Variants in CTNNA3 observed in about 807,000 individuals in gnomAD.
The protein encoded by CTNNA3 is catenin alpha 3, also known as catenin alpha-3.
Under a neutral mutation model 95.7 loss-of-function variants are expected in CTNNA3, and 76 were observed. That is an observed-to-expected ratio of 0.79 (90% CI 0.66 to 0.96). The LOEUF (loss-of-function observed/expected upper bound fraction) is 0.96, where lower values mean the gene tolerates loss of function less well. CTNNA3 is among the 40% of genes least tolerant of loss of function. The pLI, the probability that CTNNA3 is intolerant of heterozygous loss-of-function variation, is 0.00. For missense variants in CTNNA3, 1,191 were observed against 1,089.8 expected (o/e 1.09, Z -1.31); for synonymous variants, 431 against 374.4 (o/e 1.15, Z -1.74).
At chr10:66,915,339 G>A (rs1846434894) in intron 7 of CTNNA3, among the ~76,000 whole-genome samples, 1 of 151,982 alleles carries the variant, frequency 6.6e-6, no homozygotes, top group South Asian at 2.1e-4. Flanking sequence ...CAGTGACAGT[G>A]GTATGGGAAG....
At chr10:66,776,438 C>A (rs1840303611) in intron 7 of CTNNA3, among the ~76,000 whole-genome samples, 1 of 152,056 alleles carries the variant, frequency 6.6e-6, no homozygotes, top group Admixed American at 6.6e-5. Flanking sequence ...GACACTGAGG[C>A]CAAGTATAAA....
At chr10:66,023,072 C>A (rs1007024589) in intron 15 of CTNNA3, among the ~76,000 whole-genome samples, 10 of 134,068 alleles carry the variant, frequency 7.5e-5, no homozygotes, top group Admixed American at 4.8e-4. Context: ...TCGAACACCT[C>A]ACGGACCAAG....
chr10:66,626,421 G>C lies in CTNNA3; in HGVS notation c.1282-4637C>G, dbSNP rs576334812. On this transcript the variant is annotated intron_variant, in intron 9 of 17. Coordinates refer to ENST00000433211, the MANE Select transcript of CTNNA3 (RefSeq NM_013266.4). ...ACCACGTCTCCTAGCTCTCAATGGG[G>C]GAGAAAGGTCACTGTCTCATTTTCA... Among the ~76,000 whole-genome samples, 3 of 152,162 alleles carry C rather than the reference G, an allele frequency of 2.0e-5. No individual in the cohort carries two copies. In the South Asian group the frequency reaches 6.2e-4, roughly 32 times the overall value.
At chr10:67,422,061 C>T (rs7080641) in intron 5 of CTNNA3, among the ~76,000 whole-genome samples, 122,233 of 151,922 alleles carry the variant, frequency 0.8, 53,430 homozygotes, top group East Asian at 1. Flanking sequence ...AACACAAACA[C>T]AAGACAAACT....
intron 9 of CTNNA3, among the ~76,000 whole-genome samples, chr10:66,691,937 AC>A (rs149954715): frequency 0.18 from 26,966 of 152,012 alleles, 2,991 homozygotes; most frequent in East Asian, 0.33. Flanking sequence ...AACAGAAAGG[AC>A]ATCCACACCA....
chr10:66,506,484 G>T (rs553034707), intron 11 of CTNNA3, among the ~76,000 whole-genome samples: 644 of 152,206 alleles, frequency 4.2e-3, no homozygotes, highest in Non-Finnish European at 7.0e-3. Flanking sequence ...TTTTCTAAAG[G>T]TTCAATTCAA....
intron 9 of CTNNA3, among the ~76,000 whole-genome samples, chr10:66,628,506 A>C (rs1434572154): frequency 6.6e-6 from 1 of 152,206 alleles, no homozygotes; most frequent in Non-Finnish European, 1.5e-5. Context: ...AAGATTAGAC[A>C]AATCTGTAGC....
chr10:67,640,667 A>G (rs1013260249), intron 2 of CTNNA3, among the ~76,000 whole-genome samples: 1 of 152,160 alleles, frequency 6.6e-6, no homozygotes, highest in Non-Finnish European at 1.5e-5. Flanking sequence ...ATATCGACCA[A>G]TGGAACAGAA....
At chr10:66,161,519 A>T (rs937350869) in intron 13 of CTNNA3, among the ~76,000 whole-genome samples, 11 of 152,210 alleles carry the variant, frequency 7.2e-5, no homozygotes, top group Non-Finnish European at 1.5e-5. Context: ...AAGGCTGAAG[A>T]TAGGGCCCCA....
chr10:67,060,666 GTC>G lies in CTNNA3; in HGVS notation c.1047+119649_1047+119650del, dbSNP rs141445121. Among the ~76,000 whole-genome samples the G allele has an allele frequency of 1.6e-3, 247 of 150,164 alleles. 3 individuals carry two copies. Among genetic ancestry groups the G allele is most frequent in the Middle Eastern group, 6.8e-3 (2 of 292 alleles). ...TTCTCTTTCTTTACCATGGGTTCCTGTCTCTCTCTCTCTCTCTTCTTCTACCA... is the reference window on the plus strand; with the variant it reads ...TTCTCTTTCTTTACCATGGGTTCCTGTCTCTCTCTCTCTCTTCTTCTACCA... On this transcript the variant is annotated intron_variant, in intron 7 of 17. Coordinates refer to ENST00000433211, the MANE Select transcript of CTNNA3 (RefSeq NM_013266.4).
chr10:66,451,462 G>C (rs535866868), intron 11 of CTNNA3, among the ~76,000 whole-genome samples: 1 of 152,056 alleles, frequency 6.6e-6, no homozygotes, highest in Admixed American at 6.6e-5. Context: ...AAACAAGTTA[G>C]GAAATAAAAA....
chr10:66,609,830 A>C (rs1015473366), intron 10 of CTNNA3, among the ~76,000 whole-genome samples: 5 of 152,168 alleles, frequency 3.3e-5, no homozygotes, highest in Admixed American at 6.5e-5. Context: ...TCACCATAGC[A>C]AAGACAAGGA....
chr10:67,646,237 T>C (rs1208644391), intron 2 of CTNNA3, among the ~76,000 whole-genome samples: 1 of 151,234 alleles, frequency 6.6e-6, no homozygotes, highest in Non-Finnish European at 1.5e-5. Context: ...GGCTGGTCTT[T>C]AACTCCTGGA....
intron 3 of CTNNA3, among the ~76,000 whole-genome samples, chr10:67,552,700 T>TTG (rs1841076964): frequency 6.6e-6 from 1 of 152,070 alleles, no homozygotes; most frequent in South Asian, 2.1e-4. Context: ...CCAGTGTGTG[T>TTG]TGTTCCCGCC....
intron 7 of CTNNA3, among the ~76,000 whole-genome samples, chr10:67,043,294 A>G (rs910060072): frequency 2.0e-5 from 3 of 152,076 alleles, no homozygotes; most frequent in Middle Eastern, 3.2e-3. Context: ...CATCATTCAT[A>G]TATTCTCTGA....
chr10:67,473,470 G>T (rs1047492985), intron 5 of CTNNA3, among the ~76,000 whole-genome samples: 1 of 148,802 alleles, frequency 6.7e-6, no homozygotes, highest in African/African-American at 2.6e-5. Flanking sequence ...CACAGAATAT[G>T]AAACTAATAA....
intron 12 of CTNNA3, among the ~76,000 whole-genome samples, chr10:66,288,859 C>A (rs1426791827): frequency 3.9e-5 from 6 of 151,950 alleles, no homozygotes; most frequent in African/African-American, 1.5e-4. Flanking sequence ...CCTCAAAATG[C>A]CCTGGGCTAT....
At chr10:66,009,595 T>C (rs1266534620) in intron 15 of CTNNA3, among the ~76,000 whole-genome samples, 2 of 152,208 alleles carry the variant, frequency 1.3e-5, no homozygotes, top group Admixed American at 6.5e-5. Context: ...TGAAGACTAA[T>C]ATTTAAAGCC....
At chr10:66,124,169 A>T (rs755297660) in intron 13 of CTNNA3, among the ~76,000 whole-genome samples, 12 of 151,996 alleles carry the variant, frequency 7.9e-5, no homozygotes, top group Admixed American at 7.9e-4. Flanking sequence ...CACCCAAGTC[A>T]CATCTTGAAT....
Sources: gnomAD v4.1 joint callset for allele counts (sites outside exome capture counted in the v4.1 genomes callset) on GRCh38, gnomAD v4.1.1 for gene constraint, MANE v1.5 for transcripts, NCBI Gene and HGNC (gene_info 2026-07-23, HGNC 2026-07-21) for gene names.